Variants in TMEM71 observed in about 807,000 individuals in gnomAD.
TMEM71 encodes transmembrane protein 71.
A neutral mutation model predicts 38.0 loss-of-function variants in TMEM71; 44 were observed. The observed-to-expected ratio is 1.16, with a 90% CI of 0.91 to 1.49. The LOEUF (loss-of-function observed/expected upper bound fraction) is 1.49, where lower values mean the gene tolerates loss of function less well. Ranked by LOEUF, TMEM71 falls within the 40% of genes most tolerant of loss-of-function variation. The pLI, the probability that TMEM71 is intolerant of heterozygous loss-of-function variation, is 0.00. For missense variants in TMEM71, 367 were observed against 348.6 expected (o/e 1.05, Z -0.42); for synonymous variants, 133 against 122.5 (o/e 1.09, Z -0.56).
At chr8:132,733,751 A>G (rs1827589959) in intron 5 of TMEM71, among the ~76,000 whole-genome samples, 1 of 152,228 alleles carries the variant, frequency 6.6e-6, no homozygotes, top group Non-Finnish European at 1.5e-5. Flanking sequence ...GAAGCAGCCT[A>G]AGTATCCTTC....
At chr8:132,761,427 T>A (rs984889369), upstream of TMEM71, among the ~76,000 whole-genome samples, 2 of 152,250 alleles carry the variant, frequency 1.3e-5, no homozygotes, top group African/African-American at 4.8e-5. Context: ...TCAGCACAGA[T>A]GTGCAAGGTG....
At chr8:132,769,604 C>G in the TMEM71 span, among the ~76,000 whole-genome samples, 1 of 152,056 alleles carries the variant, frequency 6.6e-6, no homozygotes, top group African/African-American at 2.4e-5. Context: ...GAAGGTTGAG[C>G]CTTCATGAAT....
rs181083736 is a variant in TMEM71 at position 132,717,679 on chromosome 8, G to A, written c.753-3464C>T. Among the ~76,000 whole-genome samples, 34 of 152,236 alleles carry A rather than the reference G, an allele frequency of 2.2e-4. No individual in the cohort carries two copies. The East Asian group carries it at 4.4e-3, about 20-fold the overall frequency. ...AGATGGTGCAGTCCTATTGGAAAAC[G>A]TTTCAGCAGTTTCTAAAAATATTAA... On this transcript the variant is annotated intron_variant, in intron 7 of 9. Transcript: ENST00000677595.
At chr8:132,719,341 C>G (rs1247892880) in intron 7 of TMEM71, among the ~76,000 whole-genome samples, 1 of 152,176 alleles carries the variant, frequency 6.6e-6, no homozygotes, top group Non-Finnish European at 1.5e-5. Flanking sequence ...CTACATGATG[C>G]CACAAGTGGA....
intron 2 of TMEM71, chr8:132,757,848 T>G (rs1586808729): frequency 6.8e-6 from 1 of 146,416 alleles, no homozygotes; most frequent in African/African-American, 2.5e-5. Context: ...AAAAAAAAAA[T>G]TTCTTAGTGC....
the TMEM71 span, among the ~76,000 whole-genome samples, chr8:132,767,494 T>A: frequency 6.6e-6 from 1 of 151,570 alleles, no homozygotes; most frequent in African/African-American, 2.4e-5. Context: ...TTTTTTTTTT[T>A]AGATAGAGTC....
At chr8:132,736,801 A>G (rs1017811512) in intron 5 of TMEM71, among the ~76,000 whole-genome samples, 24 of 150,162 alleles carry the variant, frequency 1.6e-4, no homozygotes, top group African/African-American at 5.6e-4. Context: ...ACTGCACCCC[A>G]GCCTGGGCAA....
intron 5 of TMEM71, among the ~76,000 whole-genome samples, chr8:132,746,601 A>G (rs1828401514): frequency 1.3e-5 from 2 of 151,486 alleles, no homozygotes; most frequent in Admixed American, 1.3e-4. Flanking sequence ...TGACTCCAGT[A>G]CATTTTTTCC....
chr8:132,756,510 A>G (rs973718456), intron 3 of TMEM71, among the ~76,000 whole-genome samples: 1 of 147,306 alleles, frequency 6.8e-6, no homozygotes, highest in African/African-American at 2.5e-5. Context: ...ACCTTTCAAA[A>G]CTAGATGATA....
chr8:132,737,206 TA>T (rs929850346), intron 5 of TMEM71, among the ~76,000 whole-genome samples: 4 of 152,156 alleles, frequency 2.6e-5, no homozygotes, highest in Non-Finnish European at 4.4e-5. Flanking sequence ...GTGACTATAC[TA>T]AAAAATCGCT....
intron 5 of TMEM71, among the ~76,000 whole-genome samples, chr8:132,742,098 A>T (rs1339641324): frequency 6.6e-6 from 1 of 152,180 alleles, no homozygotes; most frequent in East Asian, 1.9e-4. Context: ...CTATCTCTGT[A>T]TGGCCTGGTT....
chr8:132,772,024 G>A, the TMEM71 span, among the ~76,000 whole-genome samples: 18 of 152,032 alleles, frequency 1.2e-4, no homozygotes, highest in African/African-American at 3.9e-4. Context: ...AGTAGTTTAC[G>A]TTTCTGCTAA....
At chr8:132,728,132 A>T in intron 5 of TMEM71, 146 bp from the exon 6 acceptor site, 1 of 565,974 alleles carries the variant, frequency 1.8e-6, no homozygotes, top group African/African-American at 1.9e-5. Context: ...CCATAGTGGG[A>T]TGGGAGAAGG....
chr8:132,746,956 T>G lies in TMEM71; in HGVS notation c.473A>C (p.His158Pro), dbSNP rs772576974. The change falls in exon 5 of 10, where the codon CAT becomes CCT. Residue 158 changes from histidine to proline, a missense_variant. By Grantham distance (77) the His-to-Pro change is moderately conservative. Transcript: ENST00000677595. ...LKGTRRLDTD[H>P]CNGNADDLDC... is the part of the protein sequence containing the mutation. ...CTCAAACTCACCATTTCCATTGCAA[T>G]GGTCTGTGTCCAACCTCCTGGTCCC... 47 of 1,597,460 alleles carry G rather than the reference T, an allele frequency of 2.9e-5. No individual in the cohort carries two copies. The highest frequency in any genetic ancestry group is 4.0e-5 in the Non-Finnish European group (47 of 1,174,816).
At chr8:132,708,516 G>A (rs1464420844), downstream of TMEM71, among the ~76,000 whole-genome samples, 1 of 152,198 alleles carries the variant, frequency 6.6e-6, no homozygotes, top group African/African-American at 2.4e-5. Flanking sequence ...ATTAATCTCA[G>A]TTTCTGCAGA....
At chr8:132,770,744 G>A in the TMEM71 span, among the ~76,000 whole-genome samples, 1 of 145,152 alleles carries the variant, frequency 6.9e-6, no homozygotes, top group Non-Finnish European at 1.6e-5. Flanking sequence ...TGTTACATGC[G>A]ACAAAAAGAA....
chr8:132,756,411 TTATATATATATA>T (rs55767264), intron 3 of TMEM71, among the ~76,000 whole-genome samples: 22 of 115,814 alleles, frequency 1.9e-4, no homozygotes, highest in Middle Eastern at 9.0e-3. Flanking sequence ...AACATATATA[TTATATATATATA>T]TATATATATA....
chr8:132,772,462 T>C, the TMEM71 span, among the ~76,000 whole-genome samples: 1 of 152,190 alleles, frequency 6.6e-6, no homozygotes, highest in Non-Finnish European at 1.5e-5. Flanking sequence ...CTTCACTACA[T>C]GGCCAGGGAG....
chr8:132,757,447 G>A (rs1169968317), intron 2 of TMEM71, among the ~76,000 whole-genome samples, 153 bp from the exon 3 acceptor site: 1 of 152,168 alleles, frequency 6.6e-6, no homozygotes, highest in Non-Finnish European at 1.5e-5. Context: ...GAAGACTCCA[G>A]TAGTGCAGGT....
Sources: gnomAD v4.1 joint callset for allele counts (sites outside exome capture counted in the v4.1 genomes callset) on GRCh38, gnomAD v4.1.1 for gene constraint, MANE v1.5 for transcripts, NCBI Gene and HGNC (gene_info 2026-07-23, HGNC 2026-07-21) for gene names.